Variants in SLC9C2 observed in about 807,000 individuals in gnomAD.
The protein encoded by SLC9C2 is sodium/hydrogen exchanger 11.
Under a neutral mutation model 140.2 loss-of-function variants are expected in SLC9C2, and 75 were observed. The ratio of observed to expected loss-of-function variants is 0.53; its 90% CI spans 0.44 to 0.65. The LOEUF (loss-of-function observed/expected upper bound fraction) is 0.65, where lower values mean the gene tolerates loss of function less well. Among genes scored for constraint, SLC9C2 ranks in the 30% least tolerant of loss-of-function variants. The probability of loss-of-function intolerance (pLI) is 0.00; values close to 1 mark genes in which losing one functional copy is unlikely to be tolerated. For missense variants in SLC9C2, 1,074 were observed against 1,331.8 expected, an observed-to-expected ratio of 0.81 and a Z score of 3.01; for synonymous variants, 375 against 420.9, an observed-to-expected ratio of 0.89 and a Z score of 1.34.
intron 7 of SLC9C2, among the ~76,000 whole-genome samples, chr1:173,577,958 ACTAT>A (rs1386357511): frequency 6.6e-6 from 1 of 152,038 alleles, no homozygotes; most frequent in Non-Finnish European, 1.5e-5. Flanking sequence ...TGACAGGGAA[ACTAT>A]CTTTCAATTT....
chr1:173,560,041 A>G (rs1262227089), intron 9 of SLC9C2, among the ~76,000 whole-genome samples: 1 of 152,244 alleles, frequency 6.6e-6, no homozygotes, highest in Non-Finnish European at 1.5e-5. Flanking sequence ...TCAGAATTTA[A>G]CAAAGTCTTC....
Position 173,581,960 on chromosome 1 carries a change from A to T in SLC9C2, c.689T>A (p.Ile230Lys). 3.1e-6 allele frequency: 5 copies of T among 1,600,168 alleles called. No homozygotes were observed. The South Asian group carries it at 5.7e-5, about 18-fold the overall frequency. ...ELSYDILGSIIFGYWCAKIIQ... is the reference protein window; with the variant it reads ...ELSYDILGSIKFGYWCAKIIQ... ...GATTTTTGCACACCAATATCCAAAT[A>T]TTATGCTTCCCAAAATGTCATAGCT... The change falls in exon 7 of 28, where the codon ATA (isoleucine) becomes AAA (lysine). Residue 230 changes from isoleucine (I) to lysine (K), a missense_variant. Coordinates refer to ENST00000367714, the MANE Select transcript of SLC9C2 (RefSeq NM_178527.4).
intron 5 of SLC9C2, among the ~76,000 whole-genome samples, chr1:173,584,025 G>C (rs1665708405): frequency 6.6e-6 from 1 of 152,170 alleles, no homozygotes; most frequent in East Asian, 1.9e-4. Flanking sequence ...AATTGAAAAT[G>C]TATGTCCACA....
At position 173,561,885 on chromosome 1, in the gene SLC9C2, A is replaced by C. The variant is rs568407046; in HGVS notation, c.1047-4377T>G. On this transcript the variant is annotated intron_variant, in intron 9 of 27. Transcript: ENST00000367714. ...CAGACACACACACACACACACACAC[A>C]CCCCCAACTGTAACTAATCCAACAA... 9.0e-3 allele frequency among the ~76,000 whole-genome samples: 1,351 copies of C among 150,492 alleles called. 6 individuals carry two copies. Among genetic ancestry groups the C allele is most frequent in the Non-Finnish European group, 0.016 (1,063 of 67,768 alleles).
At position 173,576,722 on chromosome 1, in the gene SLC9C2, C is replaced by A. The variant is rs200329765; in HGVS notation, c.841G>T (p.Ala281Ser). 7 of 1,608,554 alleles carry A rather than the reference C, an allele frequency of 4.4e-6. No individual in the cohort carries two copies. Among genetic ancestry groups the A allele is most frequent in the Non-Finnish European group, 4.2e-6 (5 of 1,178,604 alleles). Residue 281 changes from alanine (A) to serine (S), a missense_variant, in exon 8 of 28, where the codon GCT (alanine) becomes TCT (serine). Coordinates refer to ENST00000367714, the MANE Select transcript of SLC9C2 (RefSeq NM_178527.4). ...AAAGAATCTAAATTCAGTCCTACAG[C>A]GGCTAAGGCAAGAGTGCCTGACATT... Reference protein sequence around the residue: ...LGMSGTLALAAVGLNLDSLTF... With the variant: ...LGMSGTLALASVGLNLDSLTF...
At chr1:173,581,218 C>G (rs1322852155) in intron 7 of SLC9C2, among the ~76,000 whole-genome samples, 1 of 152,152 alleles carries the variant, frequency 6.6e-6, no homozygotes, top group Non-Finnish European at 1.5e-5. Context: ...ACAGTTTGGC[C>G]ACAGTTACTA....
At chr1:173,595,853 C>T (rs1666421582) in intron 4 of SLC9C2, among the ~76,000 whole-genome samples, 1 of 152,074 alleles carries the variant, frequency 6.6e-6, no homozygotes, top group African/African-American at 2.4e-5. Flanking sequence ...TAAATGCATA[C>T]AGTTATGTAA....
intron 16 of SLC9C2, 56 bp downstream of exon 16, chr1:173,534,428 A>G: frequency 6.8e-7 from 1 of 1,474,476 alleles, no homozygotes; most frequent in Non-Finnish European, 9.1e-7. Context: ...GACAAAATAG[A>G]TTCAAAATAC....
At chr1:173,505,480 C>T in intron 25 of SLC9C2, 149 bp from the exon 26 acceptor site, 2 of 629,812 alleles carry the variant, frequency 3.2e-6, no homozygotes, top group South Asian at 2.1e-5. Context: ...TTCAAATCCT[C>T]TTTGATGTTG....
chr1:173,566,652 A>AT (rs904492514), intron 9 of SLC9C2, among the ~76,000 whole-genome samples: 3 of 149,152 alleles, frequency 2.0e-5, no homozygotes, highest in African/African-American at 7.4e-5. Context: ...TATATTTCCT[A>AT]TTTTTTTCAT....
intron 2 of SLC9C2, among the ~76,000 whole-genome samples, chr1:173,600,419 G>C (rs1176474179): frequency 1.3e-5 from 2 of 151,450 alleles, no homozygotes; most frequent in Admixed American, 6.6e-5. Context: ...CAACTATTCT[G>C]TTTTTCACGT....
At chr1:173,542,403 G>C (rs2102031827) in intron 13 of SLC9C2, among the ~76,000 whole-genome samples, 1 of 152,266 alleles carries the variant, frequency 6.6e-6, no homozygotes, top group Non-Finnish European at 1.5e-5. Flanking sequence ...AGACCAAACA[G>C]ATTCACAGCC....
chr1:173,556,563 A>G (rs1390035153), intron 10 of SLC9C2, among the ~76,000 whole-genome samples: 2 of 152,094 alleles, frequency 1.3e-5, no homozygotes, highest in Non-Finnish European at 2.9e-5. Context: ...AACTATAAGG[A>G]TTAGAATGCT....
intron 5 of SLC9C2, among the ~76,000 whole-genome samples, chr1:173,587,275 C>T (rs548516895): frequency 6.6e-6 from 1 of 152,118 alleles, no homozygotes; most frequent in Non-Finnish European, 1.5e-5. Flanking sequence ...GTAGCAAGGC[C>T]TTGGAATAGT....
intron 4 of SLC9C2, 99 bp downstream of exon 4, chr1:173,597,805 A>G: frequency 8.3e-7 from 1 of 1,209,406 alleles, no homozygotes; most frequent in Non-Finnish European, 1.1e-6. Context: ...ATAAAATATG[A>G]CATTTTGTGA....
At chr1:173,522,865 G>C (rs12406500) in intron 21 of SLC9C2, among the ~76,000 whole-genome samples, 30,488 of 152,128 alleles carry the variant, frequency 0.2, 4,263 homozygotes, top group East Asian at 0.64. Context: ...TGCCTGGAGT[G>C]CTCTTCTGTA....
At chr1:173,510,021 A>G (rs1014074887) in intron 23 of SLC9C2, among the ~76,000 whole-genome samples, 1 of 152,180 alleles carries the variant, frequency 6.6e-6, no homozygotes, top group Admixed American at 6.5e-5. Context: ...GAACTTATCT[A>G]TTTTTATTGT....
intron 12 of SLC9C2, 79 bp from the exon 13 acceptor site, chr1:173,547,863 T>C: frequency 1.0e-6 from 1 of 983,524 alleles, no homozygotes; most frequent in Non-Finnish European, 1.5e-6. Context: ...AACTGGCAAA[T>C]ACTACTCTCA....
chr1:173,553,753 A>G (rs1571546012), intron 11 of SLC9C2, among the ~76,000 whole-genome samples: 1 of 152,160 alleles, frequency 6.6e-6, no homozygotes, highest in East Asian at 1.9e-4. Context: ...TGTGATATTT[A>G]TTGCATTATT....
Sources: gnomAD v4.1 joint callset for allele counts (sites outside exome capture counted in the v4.1 genomes callset) on GRCh38, gnomAD v4.1.1 for gene constraint, MANE v1.5 for transcripts, NCBI Gene and HGNC (gene_info 2026-07-23, HGNC 2026-07-21) for gene names.